ROBO2: variants seen among roughly 807,000 people sequenced by gnomAD.
ROBO2 encodes roundabout homolog 2.
A neutral mutation model predicts 160.8 loss-of-function variants in ROBO2; 53 were observed. That is an observed-to-expected ratio of 0.33 (90% CI 0.26 to 0.41). The LOEUF is 0.41. ROBO2 is among the 10% of genes least tolerant of loss of function. The pLI is 1.00. For synonymous variants in ROBO2, 664 were observed against 611.7 expected (o/e 1.09, Z -1.26); for missense variants, 1,577 against 1,722.4 (o/e 0.92, Z 1.49).
rs376194370 is a variant in ROBO2, at chr3:77,119,221, C to A, written c.388+20881C>A. 1.8e-4 allele frequency among the ~76,000 whole-genome samples: 28 copies of A among 152,308 alleles called. No individual in the cohort carries two copies. The East Asian group carries it at 3.1e-3, about 17-fold the overall frequency. On this transcript the variant is annotated intron_variant, in intron 2 of 25. Coordinates refer to ENST00000461745, the Ensembl canonical transcript of ROBO2. ...CATGCAGAACAGTGAGTCAATTAAACCTCTTTTCTTTATAAATTACCCAGT... is the reference window on the plus strand; with the variant it reads ...CATGCAGAACAGTGAGTCAATTAAAACTCTTTTCTTTATAAATTACCCAGT...
intron 2 of ROBO2, among the ~76,000 whole-genome samples, chr3:76,394,068 G>A (rs2077293693): frequency 6.6e-6 from 1 of 152,110 alleles, no homozygotes; most frequent in African/African-American, 2.4e-5. Flanking sequence ...GATGGGTCTT[G>A]ACTCTTTAGC....
chr3:76,566,110 G>A (rs1385463187), intron 2 of ROBO2, among the ~76,000 whole-genome samples: 3 of 152,262 alleles, frequency 2.0e-5, no homozygotes, highest in East Asian at 1.9e-4. Context: ...TGTAGACTGC[G>A]TGTGAAGGCA....
At chr3:76,329,852 G>A (rs2073347571) in intron 2 of ROBO2, among the ~76,000 whole-genome samples, 1 of 152,110 alleles carries the variant, frequency 6.6e-6, no homozygotes, top group Non-Finnish European at 1.5e-5. Flanking sequence ...CCTTTTATTT[G>A]CTTTTTCCGG....
chr3:77,076,395 C>G (rs934676033), intron 1 of ROBO2, among the ~76,000 whole-genome samples: 1 of 151,968 alleles, frequency 6.6e-6, no homozygotes, highest in Admixed American at 6.6e-5. Flanking sequence ...TTTTAGCATA[C>G]GTGGTACTAA....
intron 2 of ROBO2, among the ~76,000 whole-genome samples, chr3:76,992,504 G>C (rs1321005652): frequency 6.6e-6 from 1 of 151,654 alleles, no homozygotes; most frequent in African/African-American, 2.4e-5. Context: ...AAATAGCAGT[G>C]GGTTATTGAA....
intron 2 of ROBO2, among the ~76,000 whole-genome samples, chr3:76,898,470 A>T (rs1396968388): frequency 1.3e-5 from 2 of 152,146 alleles, no homozygotes; most frequent in Non-Finnish European, 2.9e-5. Context: ...ACATACACAT[A>T]AAATCTGATT....
intron 12 of ROBO2, among the ~76,000 whole-genome samples, chr3:77,565,634 T>G (rs1176113884): frequency 1.3e-5 from 2 of 152,072 alleles, no homozygotes; most frequent in African/African-American, 4.8e-5. Context: ...TGGGGCCCAG[T>G]GTTTGTTTTA....
At chr3:76,363,168 C>T (rs967318078) in intron 2 of ROBO2, among the ~76,000 whole-genome samples, 2 of 151,984 alleles carry the variant, frequency 1.3e-5, no homozygotes, top group Non-Finnish European at 2.9e-5. Context: ...GCTTCTTCCC[C>T]TTTTGTCTCA....
intron 2 of ROBO2, among the ~76,000 whole-genome samples, chr3:76,890,987 T>G (rs73124051): frequency 0.048 from 7,366 of 152,270 alleles, 251 homozygotes; most frequent in South Asian, 0.15. Context: ...AATCTTTCTT[T>G]TCTGAGCTTG....
chr3:77,636,591 TA>T (rs1204432595), intron 24 of ROBO2, among the ~76,000 whole-genome samples: 41 of 144,586 alleles, frequency 2.8e-4, no homozygotes, highest in Middle Eastern at 3.5e-3. Flanking sequence ...GACTCCTTCT[TA>T]AAAAAAAAAA....
At chr3:77,563,674 C>T (rs2093400289) in intron 11 of ROBO2, among the ~76,000 whole-genome samples, 1 of 152,068 alleles carries the variant, frequency 6.6e-6, no homozygotes, top group Non-Finnish European at 1.5e-5. Flanking sequence ...TAGGCACAGG[C>T]ACTTTTTAAA....
chr3:77,124,231 G>A (rs2075098732), intron 2 of ROBO2, among the ~76,000 whole-genome samples: 1 of 152,124 alleles, frequency 6.6e-6, no homozygotes, highest in Non-Finnish European at 1.5e-5. Flanking sequence ...GTTAGAGGAG[G>A]TGATGAAGCC....
intron 2 of ROBO2, among the ~76,000 whole-genome samples, chr3:76,642,104 T>G (rs1463984322): frequency 6.6e-6 from 1 of 152,114 alleles, no homozygotes; most frequent in African/African-American, 2.4e-5. Flanking sequence ...TTTAAAATTA[T>G]TTCCAAACTA....
intron 2 of ROBO2, among the ~76,000 whole-genome samples, chr3:76,924,494 C>T (rs2076857913): frequency 6.6e-6 from 1 of 152,160 alleles, no homozygotes; most frequent in Non-Finnish European, 1.5e-5. Context: ...ATCCCCGAAA[C>T]TGTGAAAAAT....
intron 2 of ROBO2, among the ~76,000 whole-genome samples, chr3:76,743,246 G>T (rs886545509): frequency 2.6e-5 from 4 of 152,098 alleles, no homozygotes; most frequent in Non-Finnish European, 5.9e-5. Flanking sequence ...CCCAAATGGA[G>T]ACTTGAGCCC....
intron 2 of ROBO2, among the ~76,000 whole-genome samples, chr3:77,286,292 C>G (rs1035343646): frequency 7.0e-6 from 1 of 141,880 alleles, no homozygotes; most frequent in African/African-American, 2.7e-5. Context: ...GAGTCTCGCT[C>G]TATCACCAGG....
chr3:76,363,213 G>T (rs144687621), intron 2 of ROBO2, among the ~76,000 whole-genome samples: 2 of 150,420 alleles, frequency 1.3e-5, no homozygotes, highest in Non-Finnish European at 3.0e-5. Context: ...ACACACACAG[G>T]CACACACACA....
At chr3:77,480,855 A>G (rs2084602096) in intron 3 of ROBO2, among the ~76,000 whole-genome samples, 1 of 152,176 alleles carries the variant, frequency 6.6e-6, no homozygotes, top group Admixed American at 6.6e-5. Flanking sequence ...CAAGACTCAA[A>G]ATGCGATCAG....
chr3:77,104,555 A>C (rs1215982481), intron 2 of ROBO2, among the ~76,000 whole-genome samples: 4 of 152,200 alleles, frequency 2.6e-5, no homozygotes, highest in Non-Finnish European at 5.9e-5. Flanking sequence ...TTTTGTGTGC[A>C]CATATGGTTT....
Sources: gnomAD v4.1 joint callset for allele counts (sites outside exome capture counted in the v4.1 genomes callset) on GRCh38, gnomAD v4.1.1 for gene constraint, MANE v1.5 for transcripts, NCBI Gene and HGNC (gene_info 2026-07-23, HGNC 2026-07-21) for gene names.